ITGA8: variants seen among roughly 807,000 people sequenced by gnomAD.
ITGA8 encodes integrin subunit alpha 8.
Under a neutral mutation model 142.3 loss-of-function variants are expected in ITGA8, and 91 were observed. That is an observed-to-expected ratio of 0.64 (90% CI 0.54 to 0.76). The LOEUF (loss-of-function observed/expected upper bound fraction) is 0.76. Among genes scored for constraint, ITGA8 ranks in the 30% least tolerant of loss-of-function variants. ITGA8 has a pLI of 0.00. For synonymous variants in ITGA8, 505 were observed against 485.2 expected (o/e 1.04, Z -0.54); for missense variants, 1,406 against 1,327.7 (o/e 1.06, Z -0.92).
chr10:15,528,214 G>A (rs917356919), intron 28 of ITGA8, among the ~76,000 whole-genome samples: 2 of 152,152 alleles, frequency 1.3e-5, no homozygotes, highest in Non-Finnish European at 2.9e-5. Context: ...GGGATTACAG[G>A]TGTGAGCCGC....
chr10:15,677,710 T>G, intron 5 of ITGA8, 73 bp from the exon 6 acceptor site: 1 of 1,462,900 alleles, frequency 6.8e-7, no homozygotes, highest in Non-Finnish European at 9.5e-7. Context: ...GGTGATAAAT[T>G]GTTGTTAATA....
chr10:15,652,827 C>T (rs1040063771), intron 11 of ITGA8, among the ~76,000 whole-genome samples: 1 of 152,206 alleles, frequency 6.6e-6, no homozygotes, highest in Admixed American at 6.5e-5. Flanking sequence ...AAGCCACTGT[C>T]CTGCCTCCCC....
chr10:15,653,194 T>G (rs1171497047), intron 11 of ITGA8, among the ~76,000 whole-genome samples: 2 of 152,150 alleles, frequency 1.3e-5, no homozygotes, highest in Admixed American at 6.5e-5. Context: ...TCCCTCCCTC[T>G]TAGATCACCA....
intron 13 of ITGA8, among the ~76,000 whole-genome samples, chr10:15,624,852 A>G (rs1833553461): frequency 6.6e-6 from 1 of 152,214 alleles, no homozygotes; most frequent in African/African-American, 2.4e-5. Flanking sequence ...GGGGTTACAG[A>G]TGGCGGATAC....
chr10:15,563,406 C>T (rs1834018292), intron 25 of ITGA8, among the ~76,000 whole-genome samples: 1 of 152,052 alleles, frequency 6.6e-6, no homozygotes, highest in Non-Finnish European at 1.5e-5. Flanking sequence ...CTATCATATA[C>T]TATGTGGGTG....
chr10:15,663,191 A>T (rs1834322261), intron 8 of ITGA8, among the ~76,000 whole-genome samples: 1 of 152,146 alleles, frequency 6.6e-6, no homozygotes, highest in African/African-American at 2.4e-5. Flanking sequence ...GAACATGCAC[A>T]GTCCTGGATT....
intron 2 of ITGA8, among the ~76,000 whole-genome samples, chr10:15,711,000 C>A (rs1835353648): frequency 6.6e-6 from 1 of 152,070 alleles, no homozygotes; most frequent in East Asian, 1.9e-4. Context: ...AGAAAACTGA[C>A]CAAATGTTTC....
At chr10:15,672,498 C>T (rs147715663) in intron 7 of ITGA8, 126 bp downstream of exon 7, 23 of 1,182,772 alleles carry the variant, frequency 1.9e-5, no homozygotes, top group Middle Eastern at 2.8e-4. Context: ...ATTGAGTCCA[C>T]TCTAATAAGA....
rs1222711473 is a variant in ITGA8, at chr10:15,644,433, A to AACATAT, written c.1208-213_1208-212insATATGT. 7.5e-4 allele frequency among the ~76,000 whole-genome samples: 32 copies of AACATAT among 42,454 alleles called. 2 individuals are homozygous for AACATAT. The highest frequency in any genetic ancestry group is 1.5e-3 in the East Asian group (2 of 1,376). The allele number at this position is 42,454 out of a possible 152,430, so 27.9% of individuals were successfully genotyped here. A position where few individuals can be genotyped will look rare whatever the true frequency, so the allele number is the denominator to read the frequency against. ...CAGGTGCATACCACCATGTCAGGCT[A>AACATAT]ATATATATATATATATATATATATA... On this transcript the variant is annotated intron_variant, in intron 12 of 29. Coordinates refer to ENST00000378076, the MANE Select transcript of ITGA8 (RefSeq NM_003638.3).
At chr10:15,593,838 G>GTTTTTTTT (rs1832965135) in intron 21 of ITGA8, among the ~76,000 whole-genome samples, 3 of 124,874 alleles carry the variant, frequency 2.4e-5, no homozygotes, top group African/African-American at 9.0e-5. Context: ...CCCCAGCAAA[G>GTTTTTTTT]ATTTTTTTTT....
chr10:15,576,421 T>C (rs910485972), intron 23 of ITGA8, among the ~76,000 whole-genome samples: 3 of 152,246 alleles, frequency 2.0e-5, no homozygotes. Flanking sequence ...ATTATTTTTA[T>C]AAAATCTTAA....
intron 2 of ITGA8, among the ~76,000 whole-genome samples, chr10:15,707,200 G>A (rs375091931): frequency 6.3e-4 from 96 of 152,294 alleles, no homozygotes; most frequent in African/African-American, 2.1e-3. Flanking sequence ...GACTGAGATT[G>A]CAAATGGAAT....
chr10:15,716,914 G>A (rs539811672), intron 2 of ITGA8, among the ~76,000 whole-genome samples: 16 of 152,118 alleles, frequency 1.1e-4, no homozygotes, highest in African/African-American at 3.6e-4. Context: ...CACCTGCCTC[G>A]GCCTCCCAAA....
chr10:15,610,156 C>G (rs1326513932), intron 15 of ITGA8, among the ~76,000 whole-genome samples: 1 of 152,132 alleles, frequency 6.6e-6, no homozygotes, highest in Non-Finnish European at 1.5e-5. Context: ...GCACTCCAAC[C>G]TAAACCTGCC....
chr10:15,598,143 A>T (rs1259147437), intron 20 of ITGA8, among the ~76,000 whole-genome samples: 1 of 151,784 alleles, frequency 6.6e-6, no homozygotes, highest in Non-Finnish European at 1.5e-5. Context: ...TTTTTCCATT[A>T]TTTCAGTCTA....
At chr10:15,535,956 G>A (rs1466908295) in intron 27 of ITGA8, among the ~76,000 whole-genome samples, 6 of 151,760 alleles carry the variant, frequency 4.0e-5, no homozygotes, top group African/African-American at 1.2e-4. Context: ...CGGGAGGAAC[G>A]AATAACTCCG....
rs946085207 is a variant in ITGA8, at chr10:15,516,758, T to C, written c.*400A>G. On this transcript the variant is annotated 3_prime_UTR_variant, in exon 30 of 30. Coordinates refer to ENST00000378076, the MANE Select transcript of ITGA8 (RefSeq NM_003638.3). ...GGTGTGGTCTTAGTTCTAAGTTCTA[T>C]AGTAAATCAGTCATTTCACCTTAGT... 2 of 163,282 alleles carry C rather than the reference T, an allele frequency of 1.2e-5. No individual in the cohort carries two copies. The highest frequency in any genetic ancestry group is 4.8e-5 in the African/African-American group (2 of 41,536). 10.1% of individuals were successfully genotyped at this position (163,282 alleles called of 1,614,324 possible). A position where few individuals can be genotyped will look rare whatever the true frequency, so the allele number is the denominator to read the frequency against.
chr10:15,539,258 A>G (rs17137368), intron 27 of ITGA8, among the ~76,000 whole-genome samples: 30,128 of 152,012 alleles, frequency 0.2, 4,039 homozygotes, highest in African/African-American at 0.38. Context: ...AAGGGTCTCT[A>G]GTCTCTGTCT....
At chr10:15,629,645 G>C (rs576045644) in intron 13 of ITGA8, among the ~76,000 whole-genome samples, 2 of 152,194 alleles carry the variant, frequency 1.3e-5, no homozygotes, top group South Asian at 4.1e-4. Context: ...TGTCTTCAGA[G>C]GCTGGGCATG....
Sources: gnomAD v4.1 joint callset for allele counts (sites outside exome capture counted in the v4.1 genomes callset) on GRCh38, gnomAD v4.1.1 for gene constraint, MANE v1.5 for transcripts, NCBI Gene and HGNC (gene_info 2026-07-23, HGNC 2026-07-21) for gene names.